GALNT17: variants seen among roughly 807,000 people sequenced by gnomAD.
GALNT17 encodes UDP-GalNAc:polypeptide N-acetylgalactosaminyltransferase-like 3.
GALNT17 carries 29 observed loss-of-function variants against 63.7 expected under a neutral mutation model. The observed-to-expected ratio is 0.46, with a 90% CI of 0.34 to 0.62. The LOEUF is 0.62. GALNT17 is among the 20% of genes least tolerant of loss of function. The pLI is 0.01. For missense variants in GALNT17, 603 were observed against 799.6 expected, an observed-to-expected ratio of 0.75 and a Z score of 2.97; for synonymous variants, 305 against 318.3, an observed-to-expected ratio of 0.96 and a Z score of 0.45.
chr7:71,133,550 T>C (rs1787727524), intron 1 of GALNT17, among the ~76,000 whole-genome samples: 1 of 152,220 alleles, frequency 6.6e-6, no homozygotes, highest in African/African-American at 2.4e-5. Context: ...ATGTCATCTG[T>C]CTATGAGGCG....
chr7:71,579,992 A>G (rs1315960351), intron 6 of GALNT17, among the ~76,000 whole-genome samples: 1 of 152,122 alleles, frequency 6.6e-6, no homozygotes, highest in East Asian at 1.9e-4. Flanking sequence ...GATTAATGAT[A>G]GAGATAGTAG....
chr7:71,214,931 C>G (rs1347309201), intron 1 of GALNT17, among the ~76,000 whole-genome samples: 1 of 152,210 alleles, frequency 6.6e-6, no homozygotes, highest in Non-Finnish European at 1.5e-5. Context: ...TTCCTTGTTG[C>G]ATACATCATT....
chr7:71,480,175 T>C (rs1787792778), intron 5 of GALNT17, among the ~76,000 whole-genome samples: 3 of 139,912 alleles, frequency 2.1e-5, no homozygotes, highest in Admixed American at 1.5e-4. Flanking sequence ...TTTTTTTTTT[T>C]TTTTTTTTGA....
At chr7:71,697,191 G>A (rs1791558392) in intron 9 of GALNT17, among the ~76,000 whole-genome samples, 2 of 152,126 alleles carry the variant, frequency 1.3e-5, no homozygotes, top group East Asian at 3.9e-4. Context: ...TAAATTGGTG[G>A]ACCATGAGAG....
chr7:71,366,050 A>G (rs913233194), intron 2 of GALNT17, among the ~76,000 whole-genome samples: 4 of 152,144 alleles, frequency 2.6e-5, no homozygotes, highest in African/African-American at 9.7e-5. Context: ...GATCCCTCGT[A>G]TGCTCAGTTC....
intron 5 of GALNT17, among the ~76,000 whole-genome samples, chr7:71,514,591 G>A (rs1788416459): frequency 6.6e-6 from 1 of 152,032 alleles, no homozygotes; most frequent in African/African-American, 2.4e-5. Flanking sequence ...CTCCTAACGG[G>A]CCCCAGGACC....
At chr7:71,447,006 G>A (rs906124617) in intron 5 of GALNT17, among the ~76,000 whole-genome samples, 4 of 152,132 alleles carry the variant, frequency 2.6e-5, no homozygotes, top group Middle Eastern at 3.4e-3. Context: ...CACCTCTCCC[G>A]CAAATTCACA....
chr7:71,377,114 A>AATATATATATATATATAT (rs1554362119), intron 2 of GALNT17, among the ~76,000 whole-genome samples: 8 of 57,462 alleles, frequency 1.4e-4, no homozygotes, highest in East Asian at 4.6e-4. Flanking sequence ...AAATAAAAAA[A>AATATATATATATATATAT]ATATATATAT....
At chr7:71,514,267 A>G (rs1788411721) in intron 5 of GALNT17, among the ~76,000 whole-genome samples, 1 of 152,180 alleles carries the variant, frequency 6.6e-6, no homozygotes, top group African/African-American at 2.4e-5. Flanking sequence ...TTATGGGAGC[A>G]CACTGGCGCA....
intron 6 of GALNT17, among the ~76,000 whole-genome samples, chr7:71,594,145 C>T (rs545336666): frequency 6.5e-4 from 98 of 151,892 alleles, no homozygotes; most frequent in Admixed American, 9.2e-4. Context: ...CTTTTTGGAA[C>T]GTTATCAAAG....
At chr7:71,165,150 T>G (rs7804724) in intron 1 of GALNT17, among the ~76,000 whole-genome samples, 1 of 140,524 alleles carries the variant, frequency 7.1e-6, no homozygotes, top group Non-Finnish European at 1.6e-5. Context: ...TGGTGGACCA[T>G]AGCTCAAAAT....
chr7:71,701,913 A>ATATGTG (rs1490537143), intron 9 of GALNT17, among the ~76,000 whole-genome samples: 6 of 126,420 alleles, frequency 4.7e-5, no homozygotes, highest in South Asian at 2.4e-4. Context: ...ATATATATAC[A>ATATGTG]TATATATATG....
chr7:71,382,989 C>T (rs1792874359), intron 2 of GALNT17, among the ~76,000 whole-genome samples: 1 of 152,168 alleles, frequency 6.6e-6, no homozygotes, highest in Non-Finnish European at 1.5e-5. Flanking sequence ...ACACTGCACC[C>T]AATCACAATA....
chr7:71,674,169 C>CT (rs1264668245), intron 8 of GALNT17, among the ~76,000 whole-genome samples: 3 of 152,142 alleles, frequency 2.0e-5, no homozygotes, highest in Non-Finnish European at 4.4e-5. Context: ...ACTAAACTTA[C>CT]TCCAAATCCC....
chr7:71,651,032 T>A (rs1790746152), intron 6 of GALNT17, among the ~76,000 whole-genome samples: 1 of 152,106 alleles, frequency 6.6e-6, no homozygotes, highest in African/African-American at 2.4e-5. Context: ...GGCTGGGTGC[T>A]GGGAATACCA....
chr7:71,494,413 A>G (rs2116681449), intron 5 of GALNT17, among the ~76,000 whole-genome samples: 1 of 152,164 alleles, frequency 6.6e-6, no homozygotes, highest in South Asian at 2.1e-4. Flanking sequence ...TGGTGTGATC[A>G]TAGCTCACTG....
intron 5 of GALNT17, among the ~76,000 whole-genome samples, chr7:71,567,179 AAGGTC>A: frequency 6.6e-6 from 1 of 152,244 alleles, no homozygotes; most frequent in South Asian, 2.1e-4. Flanking sequence ...TTCCAGACTA[AAGGTC>A]AGGCTGCTTC....
At chr7:71,386,950 C>T (rs540995899) in intron 2 of GALNT17, among the ~76,000 whole-genome samples, 1 of 152,164 alleles carries the variant, frequency 6.6e-6, no homozygotes, top group East Asian at 2.0e-4. Flanking sequence ...CAGTAGATGC[C>T]TTCATTTGGG....
intron 6 of GALNT17, among the ~76,000 whole-genome samples, chr7:71,624,153 T>C (rs1437883074): frequency 1.3e-5 from 2 of 152,166 alleles, no homozygotes; most frequent in African/African-American, 4.8e-5. Context: ...TATTTGCCAC[T>C]ACCCAGAGGG....
Sources: allele counts gnomAD v4.1 joint callset (sites outside exome capture counted in the v4.1 genomes callset), GRCh38; gene constraint gnomAD v4.1.1; transcripts MANE v1.5; gene names NCBI Gene and HGNC (gene_info 2026-07-23, HGNC 2026-07-21).